DLGAP2: variants seen among roughly 807,000 people sequenced by gnomAD.
The protein encoded by DLGAP2 is DLG associated protein 2.
DLGAP2 carries 26 observed loss-of-function variants against 100.3 expected under a neutral mutation model. The ratio of observed to expected loss-of-function variants is 0.26; its 90% CI spans 0.19 to 0.36. The LOEUF (loss-of-function observed/expected upper bound fraction) is 0.36, where lower values mean the gene tolerates loss of function less well. Ranked by LOEUF, DLGAP2 falls within the 10% of genes least tolerant of loss-of-function variation. DLGAP2 has a pLI of 1.00. For missense variants in DLGAP2, 1,858 were observed against 1,453.2 expected (o/e 1.28, Z -4.53); for synonymous variants, 886 against 630.1 (o/e 1.41, Z -6.08).
chr8:1,380,149 A>G (rs1246021983), intron 3 of DLGAP2: 2 of 152,106 alleles, frequency 1.3e-5, no homozygotes, highest in Non-Finnish European at 2.9e-5. Flanking sequence ...AGTTCAATAA[A>G]CACTTTCAAA....
chr8:1,571,595 G>A (rs552713221), intron 6 of DLGAP2, among the ~76,000 whole-genome samples: 32 of 144,966 alleles, frequency 2.2e-4, no homozygotes, highest in African/African-American at 7.8e-4. Context: ...GTGAACTGGA[G>A]GGGCATCTTC....
Position 1,287,775 on chromosome 8 carries a change from GTGTGTC to G in DLGAP2, c.106+28898_106+28903del, listed in dbSNP as rs1213403272. Reference sequence around the variant, plus strand: ...GTTTTGGTTCAGCGTGTGTGTGTGTGTGTGTCTGTGTGTATGTGTGTGTGGTTCTGT... The same window carrying G: ...GTTTTGGTTCAGCGTGTGTGTGTGTGTGTGTGTATGTGTGTGTGGTTCTGT... On this transcript the variant is annotated intron_variant, in intron 3 of 14. Coordinates refer to ENST00000637795, the MANE Select transcript of DLGAP2 (RefSeq NM_001346810.2). Among the ~76,000 whole-genome samples, 20 of 48,094 alleles carry G rather than the reference GTGTGTC, an allele frequency of 4.2e-4. 3 individuals are homozygous for G. Among genetic ancestry groups the G allele is most frequent in the South Asian group, 1.9e-3 (3 of 1,570 alleles). The allele number at this position is 48,094 out of a possible 152,430, so 31.6% of individuals were successfully genotyped here. A position where few individuals can be genotyped will look rare whatever the true frequency, so the allele number is the denominator to read the frequency against.
At chr8:1,684,295 T>G (rs1440560113) in intron 12 of DLGAP2, among the ~76,000 whole-genome samples, 3 of 152,118 alleles carry the variant, frequency 2.0e-5, no homozygotes, top group African/African-American at 4.8e-5. Context: ...TCAAAACACT[T>G]GTTATGCCCC....
intron 2 of DLGAP2, among the ~76,000 whole-genome samples, chr8:975,830 T>G (rs80347348): frequency 1.3e-5 from 2 of 152,126 alleles, no homozygotes; most frequent in African/African-American, 4.8e-5. Flanking sequence ...CAAAACACTC[T>G]TACCATGTTG....
At chr8:990,362 C>CA (rs1563131867) in intron 2 of DLGAP2, among the ~76,000 whole-genome samples, 40 of 121,794 alleles carry the variant, frequency 3.3e-4, no homozygotes, top group Middle Eastern at 4.2e-3. Flanking sequence ...CCTCCTTGCC[C>CA]GGACCCCCTG....
chr8:1,668,815 C>T, intron 9 of DLGAP2, 137 bp downstream of exon 9: 2 of 865,332 alleles, frequency 2.3e-6, no homozygotes, highest in Non-Finnish European at 3.4e-6. Context: ...AATCTGAGAG[C>T]AGGGCTGTGC....
intron 2 of DLGAP2, among the ~76,000 whole-genome samples, chr8:923,077 G>C (rs1276903208): frequency 6.6e-6 from 1 of 152,126 alleles, no homozygotes. Flanking sequence ...GTCAAACCCC[G>C]GGTGGGTGTT....
intron 12 of DLGAP2, among the ~76,000 whole-genome samples, chr8:1,689,986 T>C (rs1193059496): frequency 6.6e-6 from 1 of 152,142 alleles, no homozygotes; most frequent in African/African-American, 2.4e-5. Flanking sequence ...TCCTGTGTGG[T>C]TTTGAGGATC....
At chr8:1,053,590 C>T (rs1802786801) in intron 2 of DLGAP2, among the ~76,000 whole-genome samples, 1 of 152,008 alleles carries the variant, frequency 6.6e-6, no homozygotes, top group Non-Finnish European at 1.5e-5. Flanking sequence ...AGAAACACAC[C>T]AAGCAGAGGC....
intron 3 of DLGAP2, among the ~76,000 whole-genome samples, chr8:1,326,631 A>C (rs1057008483): frequency 3.3e-5 from 5 of 152,014 alleles, no homozygotes; most frequent in African/African-American, 1.2e-4. Flanking sequence ...TGGGCCTGTC[A>C]CTCAGGACAC....
chr8:1,059,863 A>T (rs1420199340), intron 2 of DLGAP2, among the ~76,000 whole-genome samples: 2 of 152,066 alleles, frequency 1.3e-5, no homozygotes, highest in Non-Finnish European at 2.9e-5. Context: ...CAGTGCAGAG[A>T]GTCGGGGGCG....
rs146120860 is a variant in DLGAP2, at chr8:1,673,167, A to G, written c.2203-3366A>G. 4.3e-3 allele frequency among the ~76,000 whole-genome samples: 653 copies of G among 152,252 alleles called. 16 individuals carry two copies. In the East Asian group the frequency reaches 0.051, roughly 12 times the overall value. On this transcript the variant is annotated intron_variant, in intron 10 of 14. Transcript: ENST00000637795. ...GCCCAGGCTGGAGTGCAGTGGTGCA[A>G]TCAATCACAGCTCACTCCAGCCTCA...
At chr8:1,653,482 G>C (rs948744197) in intron 8 of DLGAP2, among the ~76,000 whole-genome samples, 6 of 152,206 alleles carry the variant, frequency 3.9e-5, no homozygotes, top group African/African-American at 1.4e-4. Flanking sequence ...TGCTCAGCTA[G>C]CTCAAACTGA....
At chr8:1,254,974 T>TCCGGGTGCTGTGTGTGTGTCCTCTCCTGC (rs1563043204) in intron 2 of DLGAP2, among the ~76,000 whole-genome samples, 1 of 32,320 alleles carries the variant, frequency 3.1e-5, no homozygotes, top group African/African-American at 7.4e-5. Context: ...TCTCATCCTG[T>TCCGGGTGCTGTGTGTGTGTCCTCTCCTGC]CCGGGTGCTG....
chr8:1,359,336 C>T (rs1801924786), intron 3 of DLGAP2, among the ~76,000 whole-genome samples: 2 of 152,240 alleles, frequency 1.3e-5, no homozygotes, highest in Admixed American at 1.3e-4. Flanking sequence ...AAAGAGAGGC[C>T]AGGCACTCCG....
chr8:1,158,803 G>A (rs1448962537), intron 2 of DLGAP2, among the ~76,000 whole-genome samples: 4 of 152,164 alleles, frequency 2.6e-5, no homozygotes, highest in Non-Finnish European at 5.9e-5. Flanking sequence ...ATCGACAACT[G>A]CACAGTTTTT....
In DLGAP2 at chr8:877,759, G is replaced by C. The variant is rs555217180; in HGVS notation, c.19-30153G>C. On this transcript the variant is annotated intron_variant, in intron 1 of 14. Transcript: ENST00000637795. Reference sequence around the variant, plus strand: ...CCAATGCTCCCGAGAGCTCCCTTAGGTTTAAGCTTCTTCATATTCTGTGCA... The same window carrying C: ...CCAATGCTCCCGAGAGCTCCCTTAGCTTTAAGCTTCTTCATATTCTGTGCA... Among the ~76,000 whole-genome samples, 6 of 152,272 alleles carry C rather than the reference G, an allele frequency of 3.9e-5. No individual in the cohort carries two copies. In the South Asian group the frequency reaches 1.2e-3, roughly 32 times the overall value.
chr8:1,418,250 G>A (rs186552779), intron 3 of DLGAP2, among the ~76,000 whole-genome samples: 1 of 152,282 alleles, frequency 6.6e-6, no homozygotes, highest in Non-Finnish European at 1.5e-5. Context: ...AATGGATATT[G>A]TATGTGTAAT....
intron 2 of DLGAP2, among the ~76,000 whole-genome samples, chr8:1,170,433 G>A (rs1440034466): frequency 6.6e-6 from 1 of 152,136 alleles, no homozygotes; most frequent in Non-Finnish European, 1.5e-5. Context: ...TTTTTCTGTT[G>A]ATTGGAATAG....
Sources: gnomAD v4.1 joint callset for allele counts (sites outside exome capture counted in the v4.1 genomes callset) on GRCh38, gnomAD v4.1.1 for gene constraint, MANE v1.5 for transcripts, NCBI Gene and HGNC (gene_info 2026-07-23, HGNC 2026-07-21) for gene names.